STEAP1B: variants seen among roughly 807,000 people sequenced by gnomAD.
STEAP1B encodes STEAP family protein MGC87042.
Under a neutral mutation model 27.9 loss-of-function variants are expected in STEAP1B, and 13 were observed. The observed-to-expected ratio is 0.47, with a 90% CI of 0.30 to 0.74. The LOEUF (loss-of-function observed/expected upper bound fraction) is 0.74. STEAP1B is among the 30% of genes least tolerant of loss of function. STEAP1B has a pLI of 0.06. For synonymous variants in STEAP1B, 86 were observed against 107.1 expected (o/e 0.80, Z 1.22); for missense variants, 250 against 298.7 (o/e 0.84, Z 1.20).
intron 4 of STEAP1B, among the ~76,000 whole-genome samples, chr7:22,424,936 T>C (rs1456022857): frequency 6.6e-6 from 1 of 151,882 alleles, no homozygotes; most frequent in African/African-American, 2.4e-5. Flanking sequence ...TCATTTCAAT[T>C]AATAAAAAAT....
chr7:22,481,976 AAGCCGG>A (rs1362443837), intron 4 of STEAP1B, among the ~76,000 whole-genome samples: 1 of 152,210 alleles, frequency 6.6e-6, no homozygotes, highest in Non-Finnish European at 1.5e-5. Context: ...AAACCCACGA[AAGCCGG>A]AATCCTGCTC....
At chr7:22,425,588 C>A (rs747915922) in intron 4 of STEAP1B, among the ~76,000 whole-genome samples, 3 of 152,304 alleles carry the variant, frequency 2.0e-5, no homozygotes, top group Non-Finnish European at 2.9e-5. Flanking sequence ...CTGTAACTGG[C>A]AGCCATTTTG....
intron 4 of STEAP1B, among the ~76,000 whole-genome samples, chr7:22,454,785 C>A (rs190021661): frequency 8.6e-5 from 10 of 116,012 alleles, no homozygotes; most frequent in Non-Finnish European, 1.1e-4. Context: ...TCATCAGCAA[C>A]CTCACCTGAC....
intron 4 of STEAP1B, among the ~76,000 whole-genome samples, chr7:22,457,157 G>C (rs1785602056): frequency 6.6e-6 from 1 of 150,992 alleles, no homozygotes; most frequent in Non-Finnish European, 1.5e-5. Flanking sequence ...TAGAGATCTG[G>C]GTGCTGCAAA....
chr7:22,458,421 G>A (rs930967029), intron 4 of STEAP1B, among the ~76,000 whole-genome samples: 1 of 152,178 alleles, frequency 6.6e-6, no homozygotes, highest in Non-Finnish European at 1.5e-5. Context: ...GGAGTCGAAG[G>A]TGGCCTGAAG....
At chr7:22,494,984 T>C (rs1786414689) in intron 1 of STEAP1B, 98 bp from the exon 2 acceptor site, 1 of 578,048 alleles carries the variant, frequency 1.7e-6, no homozygotes, top group Non-Finnish European at 2.9e-6. Flanking sequence ...AAGACTAGAA[T>C]GGCAGATAAA....
At chr7:22,437,252 C>T (rs1785267146) in intron 4 of STEAP1B, among the ~76,000 whole-genome samples, 1 of 152,200 alleles carries the variant, frequency 6.6e-6, no homozygotes. Flanking sequence ...ACTAGTACCT[C>T]TCCATTTCCT....
At chr7:22,464,577 T>C (rs765247724) in intron 4 of STEAP1B, among the ~76,000 whole-genome samples, 4 of 151,990 alleles carry the variant, frequency 2.6e-5, no homozygotes, top group South Asian at 2.1e-4. Flanking sequence ...TAAGAGGTGA[T>C]TAAGTTAAAT....
chr7:22,447,623 T>C (rs1785428571), intron 4 of STEAP1B, among the ~76,000 whole-genome samples: 1 of 152,222 alleles, frequency 6.6e-6, no homozygotes, highest in Admixed American at 6.5e-5. Flanking sequence ...CTCATCCCTG[T>C]GCAATGGTCA....
chr7:22,473,377 TG>T (rs1469163390), intron 4 of STEAP1B, among the ~76,000 whole-genome samples: 1 of 152,218 alleles, frequency 6.6e-6, no homozygotes. Context: ...GTGACTCAGG[TG>T]GGTTATGCCA....
chr7:22,483,279 G>A (rs751346427), intron 4 of STEAP1B, among the ~76,000 whole-genome samples: 3 of 151,982 alleles, frequency 2.0e-5, no homozygotes, highest in Non-Finnish European at 4.4e-5. Context: ...AAAAAAAATC[G>A]CCAGTGTTTT....
At chr7:22,495,865 A>C (rs1377670962) in intron 1 of STEAP1B, among the ~76,000 whole-genome samples, 1 of 152,240 alleles carries the variant, frequency 6.6e-6, no homozygotes, top group African/African-American at 2.4e-5. Context: ...TGGTCCCATA[A>C]GAGTATAATG....
At chr7:22,484,788 G>C (rs1171453254) in intron 4 of STEAP1B, among the ~76,000 whole-genome samples, 2 of 152,140 alleles carry the variant, frequency 1.3e-5, no homozygotes, top group Non-Finnish European at 2.9e-5. Flanking sequence ...TGTGATTTGT[G>C]GAAAGAAATC....
chr7:22,490,060 C>G (rs988463872), intron 4 of STEAP1B, among the ~76,000 whole-genome samples: 4 of 152,084 alleles, frequency 2.6e-5, no homozygotes, highest in African/African-American at 9.7e-5. Context: ...CCAAGCTATG[C>G]GTAATTTCTA....
intron 4 of STEAP1B, among the ~76,000 whole-genome samples, chr7:22,461,826 AC>A (rs1203483370): frequency 6.6e-6 from 1 of 152,172 alleles, no homozygotes; most frequent in Non-Finnish European, 1.5e-5. Context: ...ACCTATTCCA[AC>A]ATTTACTTAA....
At chr7:22,433,231 C>T (rs950182209) in intron 4 of STEAP1B, among the ~76,000 whole-genome samples, 1 of 152,164 alleles carries the variant, frequency 6.6e-6, no homozygotes, top group Non-Finnish European at 1.5e-5. Flanking sequence ...GGTAATTTGA[C>T]CAGACTTCTG....
chr7:22,464,549 A>C (rs996385917), intron 4 of STEAP1B, among the ~76,000 whole-genome samples: 6 of 152,080 alleles, frequency 3.9e-5, no homozygotes, highest in African/African-American at 1.4e-4. Context: ...AAGTGACCAT[A>C]TTTGGAGACA....
intron 4 of STEAP1B, among the ~76,000 whole-genome samples, chr7:22,485,298 A>G (rs1209100478): frequency 6.6e-6 from 1 of 152,242 alleles, no homozygotes; most frequent in African/African-American, 2.4e-5. Context: ...CCTAGCCTTT[A>G]GCAACCTCCA....
chr7:22,428,864 C>T (rs990735662), intron 4 of STEAP1B, among the ~76,000 whole-genome samples: 6 of 152,088 alleles, frequency 3.9e-5, no homozygotes, highest in African/African-American at 1.2e-4. Context: ...GCTAGAAAAT[C>T]TTTTAATGTA....
Sources: gnomAD v4.1 joint callset for allele counts (sites outside exome capture counted in the v4.1 genomes callset) on GRCh38, gnomAD v4.1.1 for gene constraint, MANE v1.5 for transcripts, NCBI Gene and HGNC (gene_info 2026-07-23, HGNC 2026-07-21) for gene names.